The following XYLB variants were observed in gnomAD, a reference collection of about 807,000 sequenced individuals.
XYLB encodes the protein xylulokinase, also known as xylulose kinase.
In XYLB, 62 loss-of-function variants were observed where a neutral mutation model predicts 78.7. That is an observed-to-expected ratio of 0.79 (90% CI 0.64 to 0.97). The LOEUF (loss-of-function observed/expected upper bound fraction) is 0.97, where lower values mean the gene tolerates loss of function less well. XYLB is among the 50% of genes least tolerant of loss of function. The pLI is 0.00. For missense variants in XYLB, 687 were observed against 676.8 expected, an observed-to-expected ratio of 1.02 and a Z score of -0.17; for synonymous variants, 245 against 247.4, an observed-to-expected ratio of 0.99 and a Z score of 0.09.
At chr3:38,411,781 TG>T (rs1708601041) in intron 18 of XYLB, among the ~76,000 whole-genome samples, 2 of 152,052 alleles carry the variant, frequency 1.3e-5, no homozygotes, top group Non-Finnish European at 2.9e-5. Context: ...TATGTAAAAA[TG>T]GCCTTTGCTT....
the XYLB span, among the ~76,000 whole-genome samples, chr3:38,434,483 T>C: frequency 6.6e-6 from 1 of 152,220 alleles, no homozygotes; most frequent in Non-Finnish European, 1.5e-5. Flanking sequence ...TTACCCTTCA[T>C]AAATGAAGGA....
intron 18 of XYLB, among the ~76,000 whole-genome samples, chr3:38,407,069 GAC>G (rs1291382667): frequency 1.4e-5 from 2 of 146,720 alleles, no homozygotes; most frequent in African/African-American, 5.1e-5. Flanking sequence ...GCAACTCCAA[GAC>G]ACATAATTGT....
At chr3:38,395,022 C>A (rs1254831477) in intron 15 of XYLB, among the ~76,000 whole-genome samples, 2 of 152,150 alleles carry the variant, frequency 1.3e-5, no homozygotes, top group Non-Finnish European at 2.9e-5. Flanking sequence ...CTTCATACTT[C>A]ATCATTTACA....
Position 38,348,633 on chromosome 3 carries a change from G to GT in XYLB, c.140+2dup, listed in dbSNP as rs1201259988. On this transcript the variant is annotated splice_donor_variant, in intron 2 of 18. Coordinates refer to ENST00000207870, the MANE Select transcript of XYLB (RefSeq NM_005108.4). LOFTEE classifies it high-confidence loss of function. ...TTGACAGAGATCTTCCAGAATTTGGGTATGTACTTGATGTGCATGTGTGTG... is the reference window on the plus strand; with the variant it reads ...TTGACAGAGATCTTCCAGAATTTGGGTTATGTACTTGATGTGCATGTGTGTG... 2 of 1,614,156 alleles carry GT rather than the reference G, an allele frequency of 1.2e-6. No homozygotes were observed. Among genetic ancestry groups the GT allele is most frequent in the Non-Finnish European group, 1.7e-6 (2 of 1,180,014 alleles).
At chr3:38,375,095 C>A in intron 11 of XYLB, 49 bp from the exon 12 acceptor site, 1 of 1,475,954 alleles carries the variant, frequency 6.8e-7, no homozygotes, top group Non-Finnish European at 9.4e-7. Context: ...CAGAGGGCAG[C>A]GTGTGTGGGC....
intron 15 of XYLB, among the ~76,000 whole-genome samples, chr3:38,384,143 T>TA (rs1467124033): frequency 2.6e-5 from 4 of 152,166 alleles, no homozygotes; most frequent in Admixed American, 6.5e-5. Context: ...CTTGGCTCAC[T>TA]ACAACCTCCG....
the XYLB span, among the ~76,000 whole-genome samples, chr3:38,436,114 A>G: frequency 7.2e-5 from 11 of 152,262 alleles, no homozygotes; most frequent in South Asian, 2.1e-3. Flanking sequence ...CTAAGAAAAT[A>G]CAAAGGATAA....
chr3:38,375,666 G>A (rs1706815176), intron 12 of XYLB, among the ~76,000 whole-genome samples: 1 of 152,152 alleles, frequency 6.6e-6, no homozygotes, highest in Non-Finnish European at 1.5e-5. Context: ...CCTGCCTCCC[G>A]ACGGCTCTCA....
At chr3:38,450,771 T>G in the XYLB span, among the ~76,000 whole-genome samples, 1 of 152,152 alleles carries the variant, frequency 6.6e-6, no homozygotes, top group African/African-American at 2.4e-5. Flanking sequence ...TATGGAAGAT[T>G]TATTTAAGGC....
At chr3:38,433,303 A>T in the XYLB span, among the ~76,000 whole-genome samples, 1 of 152,122 alleles carries the variant, frequency 6.6e-6, no homozygotes, top group Admixed American at 6.5e-5. Context: ...TTTTCCTCCT[A>T]GGCCTCCAGG....
At chr3:38,397,823 CTTTT>C (rs71085321) in intron 17 of XYLB, among the ~76,000 whole-genome samples, 1 of 138,626 alleles carries the variant, frequency 7.2e-6, no homozygotes. Context: ...TTTTTCTTTT[CTTTT>C]TTTTTTTTTT....
chr3:38,356,511 G>A (rs993815950), intron 2 of XYLB: 1 of 152,144 alleles, frequency 6.6e-6, no homozygotes, highest in African/African-American at 2.4e-5. Flanking sequence ...TGCTGATTCT[G>A]GACATTTCGT....
intron 2 of XYLB, among the ~76,000 whole-genome samples, chr3:38,359,245 G>C (rs146663154): frequency 0.014 from 2,122 of 152,378 alleles, 22 homozygotes; most frequent in Non-Finnish European, 0.02. Flanking sequence ...GAACATGTCC[G>C]TAAGGCACAG....
At position 38,360,403 on chromosome 3, in the gene XYLB, G is replaced by C; in HGVS notation, c.205G>C (p.Val69Leu). 6.3e-7 allele frequency: 1 copy of C among 1,598,556 alleles called. No homozygotes were observed. The highest frequency in any genetic ancestry group is 8.5e-7 in the Non-Finnish European group (1 of 1,172,254). Residue 69 changes from valine (V) to leucine (L), a missense_variant, in exon 3 of 19, where the codon GTC becomes CTC. Val to Leu is a conservative substitution (Grantham distance 32, BLOSUM62 1). Coordinates refer to ENST00000207870, the MANE Select transcript of XYLB (RefSeq NM_005108.4). Reference protein sequence around the residue: ...LTVTSPVLMWVQALDIILEKM... With the variant: ...LTVTSPVLMWLQALDIILEKM... ...GGTCACTTCTCCAGTACTAATGTGG[G>C]TCCAGGTAAGCGCAGGGATTCCTAT...
chr3:38,381,054 T>C (rs768796017), intron 15 of XYLB, among the ~76,000 whole-genome samples: 1 of 152,202 alleles, frequency 6.6e-6, no homozygotes, highest in Non-Finnish European at 1.5e-5. Flanking sequence ...GTGGATTGCT[T>C]GAGTCCAGGA....
At chr3:38,359,211 G>T (rs1327815104) in intron 2 of XYLB, among the ~76,000 whole-genome samples, 1 of 152,252 alleles carries the variant, frequency 6.6e-6, no homozygotes, top group African/African-American at 2.4e-5. Flanking sequence ...AGAGAAACAG[G>T]CTGTGGCTGA....
At chr3:38,415,700 T>G (rs1036147189), downstream of XYLB, among the ~76,000 whole-genome samples, 4 of 152,140 alleles carry the variant, frequency 2.6e-5, no homozygotes, top group African/African-American at 7.2e-5. Flanking sequence ...CGAGAATTGC[T>G]TGAACCCGGG....
At chr3:38,431,652 G>C in the XYLB span, among the ~76,000 whole-genome samples, 3 of 152,168 alleles carry the variant, frequency 2.0e-5, no homozygotes, top group Middle Eastern at 3.2e-3. Context: ...TATGCTTCCA[G>C]TTTTTGCACA....
chr3:38,397,595 C>T (rs1400169300), intron 17 of XYLB, among the ~76,000 whole-genome samples: 1 of 152,068 alleles, frequency 6.6e-6, no homozygotes, highest in Non-Finnish European at 1.5e-5. Flanking sequence ...CCATGGAGCC[C>T]TGTTGCCCTG....
Sources: gnomAD v4.1 joint callset for allele counts (sites outside exome capture counted in the v4.1 genomes callset) on GRCh38, gnomAD v4.1.1 for gene constraint, MANE v1.5 for transcripts, NCBI Gene and HGNC (gene_info 2026-07-23, HGNC 2026-07-21) for gene names.